Variants in PTGES observed in about 807,000 individuals in gnomAD.
The protein encoded by PTGES is MGST1-like 1.
Under a neutral mutation model 11.8 loss-of-function variants are expected in PTGES, and 3 were observed. The ratio of observed to expected loss-of-function variants is 0.25; its 90% confidence interval spans 0.12 to 0.66. PTGES has a LOEUF of 0.66. Ranked by LOEUF, PTGES falls within the 30% of genes least tolerant of loss-of-function variation. PTGES has a pLI of 0.82. For synonymous variants in PTGES, 94 were observed against 90.4 expected, an observed-to-expected ratio of 1.04 and a Z score of -0.22; for missense variants, 180 against 213.0, an observed-to-expected ratio of 0.85 and a Z score of 0.96.
At chr9:129,749,668 C>T (rs1465482502) in intron 1 of PTGES, 1 of 152,242 alleles carries the variant, frequency 6.6e-6, no homozygotes, top group Non-Finnish European at 1.5e-5. Context: ...ATAAAACAAA[C>T]AATCTGAGGC....
chr9:129,751,344 A>C (rs1325331230), intron 1 of PTGES, among the ~76,000 whole-genome samples: 2 of 92,132 alleles, frequency 2.2e-5, no homozygotes, highest in African/African-American at 1.4e-4. Context: ...AATAATAATT[A>C]AAAAAAAAAA....
rs980137600 is a variant in PTGES, at chr9:129,745,555, A to AAATC, written c.209+3096_209+3099dup. 3.0e-4 allele frequency among the ~76,000 whole-genome samples: 46 copies of AAATC among 152,310 alleles called. No individual in the cohort carries two copies. Among genetic ancestry groups the AAATC allele is most frequent in the African/African-American group, 1.1e-3 (46 of 41,562 alleles). The stretch of plus-strand genomic sequence containing the variant: ...ACTCAAGTTTCCATGAGGTTCTGTG[A>AAATC]AATCAGGTGGCAGAGGAGGGGCCCA... On this transcript the variant is annotated intron_variant, in intron 2 of 2. Transcript: ENST00000340607. The surrounding 1 kb of genome is among the most constrained non-coding windows in gnomAD (Gnocchi z 4.2).
intron 2 of PTGES, among the ~76,000 whole-genome samples, chr9:129,740,407 G>A (rs1292964276): frequency 6.6e-6 from 1 of 152,126 alleles, no homozygotes; most frequent in African/African-American, 2.4e-5. Flanking sequence ...GAGCCCAAGA[G>A]CAGGCCTTTG....
At chr9:129,752,546 C>T (rs775961326) in intron 1 of PTGES, among the ~76,000 whole-genome samples, 3 of 152,244 alleles carry the variant, frequency 2.0e-5, no homozygotes, top group African/African-American at 7.2e-5. Flanking sequence ...CCTCCCGTGC[C>T]GGGAAGCCAC....
rs75174754 is a variant in PTGES, at chr9:129,752,587, C to A, written c.126+300G>T. 4.6e-3 allele frequency among the ~76,000 whole-genome samples: 708 copies of A among 152,390 alleles called. 4 individuals are homozygous for A. The highest frequency in any genetic ancestry group is 7.5e-3 in the Non-Finnish European group (513 of 68,040). On this transcript the variant is annotated intron_variant, in intron 1 of 2. Transcript: ENST00000340607. Reference sequence around the variant, plus strand: ...TAGACAGAGGCTTTGTGCTGTCACGCTCCCACACTCCACCCTCCAGAACCT... The same window carrying A: ...TAGACAGAGGCTTTGTGCTGTCACGATCCCACACTCCACCCTCCAGAACCT...
intron 1 of PTGES, 58 bp from the exon 2 acceptor site, chr9:129,748,795 G>C: frequency 7.0e-7 from 1 of 1,419,216 alleles, no homozygotes; most frequent in Non-Finnish European, 9.7e-7. Flanking sequence ...GTCACCTGGG[G>C]CTATGTTTTG....
At position 129,742,341 on chromosome 9, in the gene PTGES, A is replaced by C. The variant is rs543134846; in HGVS notation, c.210-2481T>G. 1.8e-3 allele frequency among the ~76,000 whole-genome samples: 272 copies of C among 150,708 alleles called. 5 individuals carry two copies. Among genetic ancestry groups the C allele is most frequent in the African/African-American group, 6.0e-3 (244 of 40,522 alleles). On this transcript the variant is annotated intron_variant, in intron 2 of 2. Transcript: ENST00000340607. The stretch of plus-strand genomic sequence containing the variant: ...GAGACTCTGTCTCAAAAAAAAAAAA[A>C]AAAAAAAAACATAAAACAAAACAAA...
intron 1 of PTGES, among the ~76,000 whole-genome samples, chr9:129,751,738 C>G (rs149268652): frequency 6.6e-6 from 1 of 152,098 alleles, no homozygotes; most frequent in East Asian, 1.9e-4. Context: ...GAGTTCAAAC[C>G]GGGCTGTGTG....
At chr9:129,740,466 C>T (rs1436402273) in intron 2 of PTGES, among the ~76,000 whole-genome samples, 1 of 152,188 alleles carries the variant, frequency 6.6e-6, no homozygotes, top group Non-Finnish European at 1.5e-5. Flanking sequence ...CTAACTACCA[C>T]CTGTCCTTTC....
chr9:129,750,321 C>T (rs1364708254), intron 1 of PTGES, among the ~76,000 whole-genome samples: 1 of 152,220 alleles, frequency 6.6e-6, no homozygotes, highest in Non-Finnish European at 1.5e-5. Flanking sequence ...CCTGGTGGGC[C>T]TGCCCTGCCC....
In PTGES at chr9:129,753,036, T is replaced by C. The variant is rs200626889; in HGVS notation, c.-24A>G. ...ATCTCTGGCCAGCGCAGCTCAACTG[T>C]GGGTGTGATCAGCTCGACAGAGGAG... On this transcript the variant is annotated 5_prime_UTR_variant, in exon 1 of 3. Transcript: ENST00000340607. 28 of 1,597,012 alleles carry C rather than the reference T, an allele frequency of 1.8e-5. No homozygotes were observed. Among genetic ancestry groups the C allele is most frequent in the East Asian group, 1.6e-4 (7 of 44,812 alleles).
chr9:129,751,637 C>A (rs897342260), intron 1 of PTGES, among the ~76,000 whole-genome samples: 1 of 151,992 alleles, frequency 6.6e-6, no homozygotes, highest in Non-Finnish European at 1.5e-5. Context: ...AGAGATCATG[C>A]CGCTGCACTC....
Position 129,739,713 on chromosome 9 carries a change from C to T in PTGES, c.357G>A (p.Gly119=), listed in dbSNP as rs1234822283. 5.1e-6 allele frequency: 8 copies of T among 1,575,260 alleles called. No individual in the cohort carries two copies. The highest frequency in any genetic ancestry group is 2.7e-5 in the African/African-American group (2 of 74,072). The change falls in exon 3 of 3, where the codon GGG becomes GGA. Residue 119 remains glycine, a synonymous_variant. Coordinates refer to ENST00000340607, the MANE Select transcript of PTGES (RefSeq NM_004878.5). This position sits in a 1 kb window ranked among gnomAD's most constrained non-coding sequence, Gnocchi z 5.7. The part of the protein sequence containing the change: ...GRVAHTVAYL[G]KLRAPIRSVT... ...CGGAGCGGATGGGTGCCCGCAGCTT[C>T]CCCAGGTAGGCCACGGTGTGTGCCA...
chr9:129,752,385 C>G (rs1230911752), intron 1 of PTGES, among the ~76,000 whole-genome samples: 1 of 152,232 alleles, frequency 6.6e-6, no homozygotes, highest in Non-Finnish European at 1.5e-5. Context: ...GGGGAAATTC[C>G]TCGCTGAGCA....
chr9:129,740,738 GA>G (rs1186265595), intron 2 of PTGES, among the ~76,000 whole-genome samples: 1 of 152,152 alleles, frequency 6.6e-6, no homozygotes, highest in Admixed American at 6.5e-5. Flanking sequence ...CTTCCTTTAT[GA>G]AGGGTGGGGA....
intron 2 of PTGES, among the ~76,000 whole-genome samples, chr9:129,740,954 G>A (rs903857074): frequency 6.6e-6 from 1 of 152,234 alleles, no homozygotes; most frequent in African/African-American, 2.4e-5. Flanking sequence ...CCTCGGGCCA[G>A]GCCCAGACTA....
At position 129,750,055 on chromosome 9, in the gene PTGES, GACAATGCCCAGC is replaced by G. The variant is rs372357937; in HGVS notation, c.127-1330_127-1319del. ...GAGGGAGACCTGGAGAAGCCGCTAG[GACAATGCCCAGC>G]ACAAGGAGGTGCTCAGTGAATTGTC... On this transcript the variant is annotated intron_variant, in intron 1 of 2. Transcript: ENST00000340607. 9.2e-4 allele frequency among the ~76,000 whole-genome samples: 140 copies of G among 152,302 alleles called. 2 individuals are homozygous for G. The highest frequency in any genetic ancestry group is 3.2e-3 in the African/African-American group (131 of 41,560).
chr9:129,739,797 A>T lies in PTGES; in HGVS notation c.273T>A (p.Phe91Leu), dbSNP rs1253745066. Reference protein sequence around the residue: ...PFLFLGFVYSFLGPNPFVAWM... With the variant: ...PFLFLGFVYSLLGPNPFVAWM... ...AGGCGACAAAAGGGTTAGGACCCAGAAAGGAGTAGACGAAGCCCAGGAAAA... is the reference window on the plus strand; with the variant it reads ...AGGCGACAAAAGGGTTAGGACCCAGTAAGGAGTAGACGAAGCCCAGGAAAA... Residue 91 changes from phenylalanine (F) to leucine (L), a missense_variant, in exon 3 of 3, where the codon TTT (phenylalanine) becomes TTA (leucine). Transcript: ENST00000340607. The surrounding 1 kb of genome is among the most constrained non-coding windows in gnomAD (Gnocchi z 5.7). 1 of 1,573,866 alleles carries T rather than the reference A, an allele frequency of 6.4e-7. No individual in the cohort carries two copies. The highest frequency in any genetic ancestry group is 2.3e-5 in the East Asian group (1 of 42,866).
intron 1 of PTGES, among the ~76,000 whole-genome samples, chr9:129,751,819 C>T (rs895478681): frequency 3.9e-5 from 6 of 152,216 alleles, no homozygotes; most frequent in Admixed American, 2.0e-4. Flanking sequence ...TATGGCGCCT[C>T]CCCTGCCCTC....
Sources: allele counts gnomAD v4.1 joint callset (sites outside exome capture counted in the v4.1 genomes callset), GRCh38; gene constraint gnomAD v4.1.1; non-coding constraint Gnocchi (gnomAD v3.1); transcripts MANE v1.5; gene names NCBI Gene and HGNC (gene_info 2026-07-23, HGNC 2026-07-21).